PRUNE2: variants seen among roughly 807,000 people sequenced by gnomAD.
PRUNE2 encodes the protein prune homolog 2 with BCH domain.
Under a neutral mutation model 252.0 loss-of-function variants are expected in PRUNE2, and 164 were observed. The observed-to-expected ratio is 0.65, with a 90% confidence interval of 0.57 to 0.74. The LOEUF (loss-of-function observed/expected upper bound fraction) is 0.74. Among genes scored for constraint, PRUNE2 ranks in the 30% least tolerant of loss-of-function variants. The pLI is 0.00. For missense variants in PRUNE2, 3,495 were observed against 3,711.0 expected (o/e 0.94, Z 1.51); for synonymous variants, 1,292 against 1,350.2 (o/e 0.96, Z 0.94).
rs571939165 is a variant in PRUNE2, at chr9:76,709,559, A to G, written c.2715T>C (p.Asp905=). The change falls in exon 8 of 19, where the codon GAT becomes GAC. Residue 905 remains aspartate, a synonymous_variant. Transcript: ENST00000376718. ...CATATACCTTGCCCCTAGTTTTAGG[A>G]TCCACTAAACCATTCTGATCTTCTT... ...PPKEDQNGLV[D]PKTRGKVYEK... The G allele has an allele frequency of 6.2e-7, 1 of 1,613,972 alleles. No individual in the cohort carries two copies. Among genetic ancestry groups the G allele is most frequent in the African/African-American group, 1.3e-5 (1 of 75,030 alleles).
intron 6 of PRUNE2, among the ~76,000 whole-genome samples, chr9:76,791,811 A>T (rs1050471898): frequency 2.0e-5 from 3 of 152,180 alleles, no homozygotes; most frequent in Admixed American, 6.5e-5. Flanking sequence ...CTGTCCCCCG[A>T]CTAGATTCAG....
In PRUNE2 at chr9:76,706,937, A is replaced by G; in HGVS notation, c.5337T>C (p.Ile1779=). 1.2e-6 allele frequency: 2 copies of G among 1,612,708 alleles called. No homozygotes were observed. The highest frequency in any genetic ancestry group is 1.7e-6 in the Non-Finnish European group (2 of 1,179,290). ...FSPLTETEMQ[I]TAVEKEKRSS... ...ATCTCTTCTCCTTCTCCACTGCTGT[A>G]ATCTGCATTTCAGTCTCCGTTAATG... is the stretch of plus-strand genomic sequence containing the variant. The change falls in exon 8 of 19, where the codon ATT becomes ATC. Residue 1779 remains isoleucine (I), a synonymous_variant. Coordinates refer to ENST00000376718, the MANE Select transcript of PRUNE2 (RefSeq NM_015225.3).
chr9:76,823,643 T>G lies in PRUNE2; in HGVS notation c.745A>C (p.Met249Leu), dbSNP rs745666874. The stretch of plus-strand genomic sequence containing the variant: ...ATTCCCACCCTTACCTCAAGGTTCA[T>G]GCTCACAGTACTAATGGCCACTTTT... ...EIKVAISTVS[M>L]NLENCLFHSN... The change falls in exon 6 of 19, where the codon ATG (methionine) becomes CTG (leucine). Residue 249 changes from methionine to leucine, a missense_variant. By Grantham distance (15) the Met-to-Leu change is conservative. Coordinates refer to ENST00000376718, the MANE Select transcript of PRUNE2 (RefSeq NM_015225.3). The G allele has an allele frequency of 8.1e-6, 13 of 1,602,688 alleles. No individual in the cohort carries two copies. Among genetic ancestry groups the G allele is most frequent in the Admixed American group, 6.7e-5 (4 of 59,980 alleles).
At chr9:76,883,806 G>T (rs575726984) in intron 1 of PRUNE2, among the ~76,000 whole-genome samples, 90 of 152,186 alleles carry the variant, frequency 5.9e-4, no homozygotes, top group Non-Finnish European at 9.8e-4. Context: ...ATGTGACGTT[G>T]TTGCTCCTCT....
intron 4 of PRUNE2, among the ~76,000 whole-genome samples, chr9:76,828,162 C>T (rs117094297): frequency 0.013 from 1,905 of 152,294 alleles, 21 homozygotes; most frequent in Middle Eastern, 0.037. Flanking sequence ...TCAGAGGAGT[C>T]TTCCTAGAGA....
At chr9:76,764,901 C>T (rs937006642) in intron 6 of PRUNE2, among the ~76,000 whole-genome samples, 2 of 152,204 alleles carry the variant, frequency 1.3e-5, no homozygotes, top group East Asian at 1.9e-4. Flanking sequence ...ATGTCTACAA[C>T]AGACTCTGGC....
At chr9:76,875,078 C>G (rs528788137) in intron 1 of PRUNE2, among the ~76,000 whole-genome samples, 1 of 152,208 alleles carries the variant, frequency 6.6e-6, no homozygotes, top group Admixed American at 6.5e-5. Flanking sequence ...CAGACAGCAC[C>G]TGTATTCCAG....
Position 76,703,400 on chromosome 9 carries a change from T to C in PRUNE2, c.8213A>G (p.Asp2738Gly), listed in dbSNP as rs2134760111. 6.2e-7 allele frequency: 1 copy of C among 1,613,300 alleles called. No individual in the cohort carries two copies. Among genetic ancestry groups the C allele is most frequent in the Non-Finnish European group, 8.5e-7 (1 of 1,179,498 alleles). ...PQPVQKNMIP[D>G]TEMEEETEFL... The stretch of plus-strand genomic sequence containing the variant: ...CTCTGTCTCCTCCTCCATTTCCGTG[T>C]CAGGGATCATGTTTTTCTGAACAGG... Residue 2738 changes from aspartate (D) to glycine (G), a missense_variant, in exon 9 of 19, where the codon GAC (aspartate) becomes GGC (glycine). Transcript: ENST00000376718.
rs763569366 is a variant in PRUNE2, at chr9:76,637,495, G to A, written c.8886C>T (p.Tyr2962=). The change falls in exon 14 of 19, where the codon TAC becomes TAT. Residue 2962 remains tyrosine, a synonymous_variant. Transcript: ENST00000376718. The part of the protein sequence containing the change: ...LMVAEDYMIV[Y]LNGATPRRRM... Reference sequence around the variant, plus strand: ...TCCTTCTTGGGGTTGCACCATTCAAGTACACAATCATATAGTCTTCAGCTA... The same window carrying A: ...TCCTTCTTGGGGTTGCACCATTCAAATACACAATCATATAGTCTTCAGCTA... 3 of 1,613,106 alleles carry A rather than the reference G, an allele frequency of 1.9e-6. No homozygotes were observed. Among genetic ancestry groups the A allele is most frequent in the Non-Finnish European group, 2.5e-6 (3 of 1,179,460 alleles).
chr9:76,678,954 C>T (rs2043119033), intron 9 of PRUNE2, among the ~76,000 whole-genome samples: 1 of 152,234 alleles, frequency 6.6e-6, no homozygotes, highest in South Asian at 2.1e-4. Flanking sequence ...CTGCATCTAA[C>T]AAGAATCTAG....
At chr9:76,900,145 T>A (rs988252687) in intron 1 of PRUNE2, among the ~76,000 whole-genome samples, 4 of 152,112 alleles carry the variant, frequency 2.6e-5, no homozygotes, top group African/African-American at 7.2e-5. Context: ...TGCCATTCAC[T>A]AAGACAAGGA....
intron 4 of PRUNE2, among the ~76,000 whole-genome samples, chr9:76,835,656 C>A (rs1301354893): frequency 6.6e-6 from 1 of 152,098 alleles, no homozygotes; most frequent in Admixed American, 6.5e-5. Context: ...AACAGCCCTC[C>A]GTCTTCGTAA....
At chr9:76,773,654 G>T (rs572699904) in intron 6 of PRUNE2, among the ~76,000 whole-genome samples, 1 of 152,222 alleles carries the variant, frequency 6.6e-6, no homozygotes, top group South Asian at 2.1e-4. Flanking sequence ...ATGTTGGCCA[G>T]GCTGGTCTCG....
intron 9 of PRUNE2, among the ~76,000 whole-genome samples, chr9:76,693,467 G>A (rs1257081701): frequency 5.3e-5 from 5 of 94,660 alleles, no homozygotes; most frequent in East Asian, 1.5e-3. Flanking sequence ...TTTTGGAGAC[G>A]GAGTCTTGCA....
intron 6 of PRUNE2, among the ~76,000 whole-genome samples, chr9:76,805,463 AT>A (rs941645635): frequency 2.0e-5 from 3 of 151,714 alleles, no homozygotes; most frequent in South Asian, 2.1e-4. Flanking sequence ...CCTACAAATA[AT>A]TTTTTTTTAA....
intron 1 of PRUNE2, among the ~76,000 whole-genome samples, chr9:76,870,741 A>G (rs113724314): frequency 2.6e-3 from 396 of 151,166 alleles, no homozygotes; most frequent in African/African-American, 8.9e-3. Flanking sequence ...GTGGTAGGGG[A>G]TGTTGACAGT....
chr9:76,650,832 CTAT>C (rs1352529200), intron 11 of PRUNE2, among the ~76,000 whole-genome samples: 1 of 152,134 alleles, frequency 6.6e-6, no homozygotes, highest in Non-Finnish European at 1.5e-5. Context: ...GACAGTTTTA[CTAT>C]GTTTAAAAAT....
At chr9:76,877,744 T>C (rs2133214321) in intron 1 of PRUNE2, among the ~76,000 whole-genome samples, 1 of 152,356 alleles carries the variant, frequency 6.6e-6, no homozygotes, top group East Asian at 1.9e-4. Flanking sequence ...AGGAAAATTT[T>C]CTCTGGGTTA....
chr9:76,674,758 C>T (rs368814495), intron 9 of PRUNE2, among the ~76,000 whole-genome samples: 8 of 119,114 alleles, frequency 6.7e-5, no homozygotes, highest in East Asian at 2.5e-4. Context: ...GAAATAACGC[C>T]GCATATCTAC....
Sources: allele counts gnomAD v4.1 joint callset (sites outside exome capture counted in the v4.1 genomes callset), GRCh38; gene constraint gnomAD v4.1.1; transcripts MANE v1.5; gene names NCBI Gene and HGNC (gene_info 2026-07-23, HGNC 2026-07-21).